KSR1: variants seen among roughly 807,000 people sequenced by gnomAD.
The protein encoded by KSR1 is kinase suppressor of ras 1.
A neutral mutation model predicts 92.9 loss-of-function variants in KSR1; 35 were observed. That is an observed-to-expected ratio of 0.38 (90% CI 0.29 to 0.50). The LOEUF (loss-of-function observed/expected upper bound fraction) is 0.50, where lower values mean the gene tolerates loss of function less well. Ranked by LOEUF, KSR1 falls within the 20% of genes least tolerant of loss-of-function variation. The pLI, the probability that KSR1 is intolerant of heterozygous loss-of-function variation, is 0.94. For synonymous variants in KSR1, 467 were observed against 472.6 expected (o/e 0.99, Z 0.15); for missense variants, 972 against 1,158.5 (o/e 0.84, Z 2.34).
Position 27,617,404 on chromosome 17 carries a change from C to T in KSR1, c.2603C>T (p.Pro868Leu). ...AAGCTGAACCGGCGGCTCTCCCACC[C>T]TGGACACTTCTGGAAGTCAGCTGAG... Reference protein sequence around the residue: ...LPKLNRRLSHPGHFWKSADRW... With the variant: ...LPKLNRRLSHLGHFWKSADRW... Residue 868 changes from proline (P) to leucine (L), a missense_variant, in exon 19 of 21, where the codon CCT (proline) becomes CTT (leucine). By Grantham distance (98) the Pro-to-Leu change is moderately conservative (BLOSUM62 -3). Around this residue, in one of 5 missense-constraint regions of KSR1, gnomAD observed 46 missense variants for 39.0 expected, o/e 1.18. Coordinates refer to ENST00000644974, the MANE Select transcript of KSR1 (RefSeq NM_001394583.1). 1 of 1,611,846 alleles carries T rather than the reference C, an allele frequency of 6.2e-7. No homozygotes were observed. Among genetic ancestry groups the T allele is most frequent in the Non-Finnish European group, 8.5e-7 (1 of 1,178,364 alleles).
At chr17:27,504,419 G>C (rs984807978) in intron 1 of KSR1, among the ~76,000 whole-genome samples, 1 of 152,230 alleles carries the variant, frequency 6.6e-6, no homozygotes, top group African/African-American at 2.4e-5. Flanking sequence ...GTTGGGATAT[G>C]GGGGGGAGAA....
chr17:27,504,484 G>A (rs943279808), intron 1 of KSR1, among the ~76,000 whole-genome samples: 13 of 152,160 alleles, frequency 8.5e-5, no homozygotes, highest in African/African-American at 9.7e-5. Context: ...TGAGGGTTCC[G>A]GGGAAAGAGA....
Position 27,533,960 on chromosome 17 carries a change from C to T in KSR1, c.232-16608C>T, listed in dbSNP as rs191377718. Among the ~76,000 whole-genome samples, 18 of 106,720 alleles carry T rather than the reference C, an allele frequency of 1.7e-4. No homozygotes were observed. The East Asian group carries it at 3.1e-3, about 18-fold the overall frequency. The allele number at this position is 106,720 out of a possible 152,430, so 70.0% of individuals were successfully genotyped here. A position where few individuals can be genotyped will look rare whatever the true frequency, so the allele number is the denominator to read the frequency against. On this transcript the variant is annotated intron_variant, in intron 1 of 20. Transcript: ENST00000644974. ...TTGTCCAAGGTGACAGGTGCGTGTGCGCACGTGTGTGTGTGTCTTTTTCAG... is the reference window on the plus strand; with the variant it reads ...TTGTCCAAGGTGACAGGTGCGTGTGTGCACGTGTGTGTGTGTCTTTTTCAG...
intron 1 of KSR1, among the ~76,000 whole-genome samples, chr17:27,475,392 A>AT (rs2068310133): frequency 6.6e-6 from 1 of 152,194 alleles, no homozygotes; most frequent in Non-Finnish European, 1.5e-5. Flanking sequence ...TTACTAAAAA[A>AT]TGGAGTTTTG....
intron 1 of KSR1, among the ~76,000 whole-genome samples, chr17:27,479,749 C>T (rs529978459): frequency 1.8e-4 from 27 of 152,114 alleles, no homozygotes; most frequent in Admixed American, 1.6e-3. Context: ...GCCTCAAGCA[C>T]GGGAGAGAAT....
chr17:27,476,569 G>T (rs567321870), intron 1 of KSR1, among the ~76,000 whole-genome samples: 146 of 152,288 alleles, frequency 9.6e-4, no homozygotes, highest in African/African-American at 3.4e-3. Flanking sequence ...TCTCCTGGGT[G>T]CCCAACACTC....
At chr17:27,475,040 G>T (rs2068298042) in intron 1 of KSR1, among the ~76,000 whole-genome samples, 1 of 152,224 alleles carries the variant, frequency 6.6e-6, no homozygotes, top group Non-Finnish European at 1.5e-5. Flanking sequence ...GGATGGGTTT[G>T]CAGAGGAGGT....
chr17:27,510,535 A>C (rs914435063), intron 1 of KSR1, among the ~76,000 whole-genome samples: 2 of 151,006 alleles, frequency 1.3e-5, no homozygotes, highest in Non-Finnish European at 3.0e-5. Flanking sequence ...AGCTAGAGAG[A>C]AATCTAAGTC....
At chr17:27,480,059 T>C (rs1381037515) in intron 1 of KSR1, among the ~76,000 whole-genome samples, 1 of 152,232 alleles carries the variant, frequency 6.6e-6, no homozygotes, top group Admixed American at 6.5e-5. Context: ...TTTTGCATCA[T>C]CTGCAGAGAC....
At chr17:27,617,709 G>A (rs1422696724) in intron 19 of KSR1, 1 of 388,080 alleles carries the variant, frequency 2.6e-6, no homozygotes, top group Non-Finnish European at 5.0e-6. Context: ...TGTATTTTTA[G>A]TAGAGACGGG....
intron 1 of KSR1, chr17:27,526,792 T>C: frequency 9.2e-7 from 1 of 1,091,536 alleles, no homozygotes; most frequent in Non-Finnish European, 1.4e-6. Flanking sequence ...AAACAGCAAA[T>C]GATTCTTGGG....
intron 4 of KSR1, 66 bp from the exon 5 acceptor site, chr17:27,585,591 T>C: frequency 5.5e-6 from 4 of 729,944 alleles, no homozygotes; most frequent in South Asian, 2.9e-5. Flanking sequence ...CCAAGGGTAG[T>C]GTTCTAGGAA....
chr17:27,590,481 T>G (rs2073126645), intron 6 of KSR1, among the ~76,000 whole-genome samples: 1 of 152,214 alleles, frequency 6.6e-6, no homozygotes, highest in Non-Finnish European at 1.5e-5. Context: ...TGTGGGCCTA[T>G]GTGTTGGATA....
intron 1 of KSR1, among the ~76,000 whole-genome samples, chr17:27,549,984 A>G (rs951248501): frequency 3.3e-5 from 5 of 152,074 alleles, no homozygotes; most frequent in Admixed American, 6.5e-5. Flanking sequence ...TTCTCCCCAA[A>G]CCAGCAGGTC....
chr17:27,624,809 T>G lies in KSR1; in HGVS notation c.*1417T>G, dbSNP rs1210547678. 2 of 152,134 alleles carry G rather than the reference T, an allele frequency of 1.3e-5. No homozygotes were observed. Among genetic ancestry groups the G allele is most frequent in the Non-Finnish European group, 2.9e-5 (2 of 68,048 alleles). 9.4% of individuals were successfully genotyped at this position (152,134 alleles called of 1,614,324 possible). ...GGGTGTGGCTCCCACCCCTTCCAGT[T>G]AAGACCTGCCTAGCAGAGCCCCAGT... On this transcript the variant is annotated 3_prime_UTR_variant, in exon 21 of 21. Coordinates refer to ENST00000644974, the MANE Select transcript of KSR1 (RefSeq NM_001394583.1).
chr17:27,606,716 A>G (rs1043789971), intron 14 of KSR1, among the ~76,000 whole-genome samples: 3 of 151,516 alleles, frequency 2.0e-5, no homozygotes, highest in African/African-American at 7.3e-5. Context: ...AGTGGAGTAG[A>G]GTTGGGAAGA....
intron 19 of KSR1, chr17:27,617,716 C>T (rs765832414): frequency 4.0e-5 from 15 of 375,302 alleles, no homozygotes; most frequent in Admixed American, 1.3e-4. Context: ...TTAGTAGAGA[C>T]GGGGTTTCAT....
At chr17:27,509,510 T>C (rs770192929) in intron 1 of KSR1, among the ~76,000 whole-genome samples, 5 of 151,860 alleles carry the variant, frequency 3.3e-5, no homozygotes, top group Non-Finnish European at 5.9e-5. Context: ...AGGATGGTCT[T>C]GATCTCCTGA....
chr17:27,576,897 ACTTT>A (rs1349680639), intron 2 of KSR1, among the ~76,000 whole-genome samples: 16 of 152,294 alleles, frequency 1.1e-4, no homozygotes, highest in African/African-American at 3.8e-4. Context: ...TCTGCCTGCC[ACTTT>A]CTTCACCGTA....
Sources: allele counts gnomAD v4.1 joint callset (sites outside exome capture counted in the v4.1 genomes callset), GRCh38; gene constraint gnomAD v4.1.1; regional missense constraint gnomAD v4.1.1; transcripts MANE v1.5; gene names NCBI Gene and HGNC (gene_info 2026-07-23, HGNC 2026-07-21).